USP37: variants seen among roughly 807,000 people sequenced by gnomAD.
USP37 encodes ubiquitin specific peptidase 37.
A neutral mutation model predicts 124.0 loss-of-function variants in USP37; 27 were observed. The ratio of observed to expected loss-of-function variants is 0.22; its 90% CI spans 0.16 to 0.30. The LOEUF (loss-of-function observed/expected upper bound fraction) is 0.30. USP37 is among the 10% of genes least tolerant of loss of function. USP37 has a pLI of 1.00. For synonymous variants in USP37, 365 were observed against 388.0 expected, an observed-to-expected ratio of 0.94 and a Z score of 0.70; for missense variants, 889 against 1,140.4, an observed-to-expected ratio of 0.78 and a Z score of 3.17.
At chr2:218,506,780 T>C (rs947446560) in intron 11 of USP37, among the ~76,000 whole-genome samples, 3 of 151,972 alleles carry the variant, frequency 2.0e-5, no homozygotes, top group African/African-American at 4.8e-5. Context: ...TGCTTGTCCA[T>C]TGTCATTCTC....
rs559929732 is a variant in USP37, at chr2:218,476,805, A to C, written c.2043+35T>G. 49 of 1,579,726 alleles carry C rather than the reference A, an allele frequency of 3.1e-5. 1 individual carries two copies. The South Asian group carries it at 5.8e-4, about 19-fold the overall frequency. On this transcript the variant is annotated intron_variant, in intron 19 of 25. Transcript: ENST00000258399. ...TGTTTGGACAGTAAGAGATAAACAA[A>C]TCTTTGTCAGATGTTTTAAGAAAAT...
At chr2:218,499,285 A>C (rs1302496726) in intron 11 of USP37, among the ~76,000 whole-genome samples, 1 of 98,812 alleles carries the variant, frequency 1.0e-5, no homozygotes, top group East Asian at 4.4e-4. Flanking sequence ...TAAAAAAACA[A>C]AAAACAACAA....
intron 4 of USP37, 115 bp from the exon 5 acceptor site, chr2:218,553,839 A>G (rs2106052625): frequency 9.4e-7 from 1 of 1,067,922 alleles, no homozygotes; most frequent in Non-Finnish European, 1.3e-6. Flanking sequence ...ACTCTTCCCC[A>G]CAGTAATTTA....
intron 13 of USP37, among the ~76,000 whole-genome samples, chr2:218,497,147 T>C (rs1464315590): frequency 2.0e-5 from 3 of 152,134 alleles, no homozygotes; most frequent in South Asian, 4.1e-4. Context: ...CTCAGCTCAC[T>C]GCAACCTCTG....
At chr2:218,534,562 A>G in intron 9 of USP37, 47 bp downstream of exon 9, 1 of 1,172,974 alleles carries the variant, frequency 8.5e-7, no homozygotes. Flanking sequence ...AATCTAATAA[A>G]TATATAATAA....
At chr2:218,528,447 C>T (rs370799890) in intron 10 of USP37, 25 of 186,944 alleles carry the variant, frequency 1.3e-4, no homozygotes, top group Middle Eastern at 2.1e-3. Context: ...CGACAGACCC[C>T]GGTGAGTGAT....
At chr2:218,489,547 T>C (rs1691800766) in intron 14 of USP37, among the ~76,000 whole-genome samples, 1 of 151,356 alleles carries the variant, frequency 6.6e-6, no homozygotes, top group Non-Finnish European at 1.5e-5. Context: ...AATGGCACGA[T>C]CTCAGCTCAC....
At chr2:218,554,746 CAA>C (rs35776200) in intron 4 of USP37, among the ~76,000 whole-genome samples, 15 of 121,956 alleles carry the variant, frequency 1.2e-4, no homozygotes, top group Admixed American at 1.6e-4. Flanking sequence ...AACTTTGTCT[CAA>C]AAAAAAAAAA....
intron 20 of USP37, among the ~76,000 whole-genome samples, chr2:218,467,315 ATATCTATCTATCTATCTATCTATCTATC>A (rs55656029): frequency 7.1e-6 from 1 of 141,640 alleles, no homozygotes; most frequent in Non-Finnish European, 1.5e-5. Context: ...CAGCTAATCT[ATATCTATCTATCTATCTATCTATCTATC>A]TATCTATCTA....
chr2:218,552,609 G>C (rs543831534), intron 5 of USP37, among the ~76,000 whole-genome samples: 1 of 147,908 alleles, frequency 6.8e-6, no homozygotes, highest in Non-Finnish European at 1.5e-5. Flanking sequence ...AAGAAAAAGA[G>C]AAAAGAAAAG....
intron 23 of USP37, 74 bp from the exon 24 acceptor site, chr2:218,457,235 A>G: frequency 7.1e-7 from 1 of 1,404,062 alleles, no homozygotes; most frequent in Non-Finnish European, 9.9e-7. Context: ...TAAATTTATT[A>G]TCAAAGCTGA....
chr2:218,481,088 T>C (rs1691248764), intron 17 of USP37, among the ~76,000 whole-genome samples: 1 of 152,170 alleles, frequency 6.6e-6, no homozygotes, highest in Admixed American at 6.5e-5. Flanking sequence ...ACCAAACTAG[T>C]GTTCAAGTAT....
At chr2:218,479,525 G>T in intron 18 of USP37, 125 bp downstream of exon 18, 3 of 755,030 alleles carry the variant, frequency 4.0e-6, no homozygotes, top group Non-Finnish European at 4.4e-6. Context: ...CAAAAGTATA[G>T]GTAATAAAGA....
At chr2:218,512,427 G>C (rs1690050855) in intron 10 of USP37, among the ~76,000 whole-genome samples, 1 of 152,102 alleles carries the variant, frequency 6.6e-6, no homozygotes, top group Admixed American at 6.6e-5. Context: ...AGAACTGCTT[G>C]AACTTGGGAG....
chr2:218,477,151 G>C (rs953719393), intron 18 of USP37, among the ~76,000 whole-genome samples, 170 bp from the exon 19 acceptor site: 2 of 152,116 alleles, frequency 1.3e-5, no homozygotes, highest in Non-Finnish European at 2.9e-5. Flanking sequence ...CACTCCAAAA[G>C]AGCCATGCTT....
At chr2:218,544,422 T>TAGAGAGAGAGAGAGAG in intron 8 of USP37, among the ~76,000 whole-genome samples, 1 of 56,324 alleles carries the variant, frequency 1.8e-5, no homozygotes, top group Non-Finnish European at 3.0e-5. Context: ...TATATATATA[T>TAGAGAGAGAGAGAGAG]ATATATATAG....
intron 13 of USP37, 101 bp downstream of exon 13, chr2:218,497,633 C>A: frequency 1.4e-6 from 2 of 1,444,384 alleles, no homozygotes; most frequent in Non-Finnish European, 1.9e-6. Flanking sequence ...ACCTCAGTGA[C>A]CTCAGGTGAC....
chr2:218,513,876 C>A (rs1690133700), intron 10 of USP37, among the ~76,000 whole-genome samples: 1 of 152,114 alleles, frequency 6.6e-6, no homozygotes, highest in Non-Finnish European at 1.5e-5. Flanking sequence ...ATGGCGCCAT[C>A]GCGGCTCACG....
intron 20 of USP37, 26 bp downstream of exon 20, chr2:218,474,604 A>G: frequency 6.2e-7 from 1 of 1,606,156 alleles, no homozygotes; most frequent in Non-Finnish European, 8.5e-7. Flanking sequence ...TTTGTTTCAC[A>G]GAGGTTTAAT....
Sources: allele counts gnomAD v4.1 joint callset (sites outside exome capture counted in the v4.1 genomes callset), GRCh38; gene constraint gnomAD v4.1.1; transcripts MANE v1.5; gene names NCBI Gene and HGNC (gene_info 2026-07-23, HGNC 2026-07-21).